Variants in MEGF6 observed in about 807,000 individuals in gnomAD.
MEGF6 encodes multiple epidermal growth factor-like domains protein 6.
A neutral mutation model predicts 207.1 loss-of-function variants in MEGF6; 184 were observed. The ratio of observed to expected loss-of-function variants is 0.89; its 90% CI spans 0.79 to 1.00. The LOEUF (loss-of-function observed/expected upper bound fraction) is 1.00, where lower values mean the gene tolerates loss of function less well. Among genes scored for constraint, MEGF6 ranks in the 50% least tolerant of loss-of-function variants. MEGF6 has a pLI of 0.00. For synonymous variants in MEGF6, 1,038 were observed against 910.0 expected (o/e 1.14, Z -2.53); for missense variants, 2,282 against 2,202.9 (o/e 1.04, Z -0.72).
At position 3,509,092 on chromosome 1, in the gene MEGF6, G is replaced by GT. The variant is rs1342118013; in HGVS notation, c.1510dup (p.Thr504AsnfsTer11). On this transcript the variant is annotated frameshift_variant, in exon 12 of 37. Coordinates refer to ENST00000356575, the MANE Select transcript of MEGF6 (RefSeq NM_001409.4). LOFTEE classifies it high-confidence loss of function. ...GCGCTCACCAAACTTCTCTGTGAGCGTGTGTTCGCCCCGCAACTCTGCCTC... is the reference window on the plus strand; with the variant it reads ...GCGCTCACCAAACTTCTCTGTGAGCGTTGTGTTCGCCCCGCAACTCTGCCTC... The GT allele has an allele frequency of 3.1e-6, 5 of 1,595,880 alleles. No homozygotes were observed. The highest frequency in any genetic ancestry group is 4.3e-6 in the Non-Finnish European group (5 of 1,172,588).
chr1:3,500,585 G>T lies in MEGF6; in HGVS notation c.2707+48C>A, dbSNP rs376260379. 8 of 1,523,172 alleles carry T rather than the reference G, an allele frequency of 5.3e-6. No homozygotes were observed. The East Asian group carries it at 2.0e-4, about 37-fold the overall frequency. 94.4% of individuals were successfully genotyped at this position (1,523,172 alleles called of 1,614,324 possible). On this transcript the variant is annotated intron_variant, in intron 21 of 36. Coordinates refer to ENST00000356575, the MANE Select transcript of MEGF6 (RefSeq NM_001409.4). ...TGTGTGCACGTGTGCATATGTGTGC[G>T]TGTGCGCACTCAGGAGGGTGGCAGC...
intron 1 of MEGF6, among the ~76,000 whole-genome samples, chr1:3,605,942 C>T (rs1264003932): frequency 3.9e-5 from 6 of 152,232 alleles, no homozygotes; most frequent in East Asian, 1.9e-4. Flanking sequence ...GTGCTTCCTG[C>T]GCCCCTTCAT....
intron 4 of MEGF6, among the ~76,000 whole-genome samples, chr1:3,578,803 G>C (rs1282738271): frequency 6.6e-6 from 1 of 151,694 alleles, no homozygotes; most frequent in African/African-American, 2.4e-5. Flanking sequence ...TCCTCAGCCT[G>C]GTCCCCAGCG....
the MEGF6 span, among the ~76,000 whole-genome samples, chr1:3,618,322 G>A: frequency 1.3e-5 from 2 of 152,094 alleles, no homozygotes; most frequent in Non-Finnish European, 2.9e-5. The surrounding 1 kb of genome is among the most constrained non-coding windows in gnomAD (Gnocchi z 4.7). Flanking sequence ...TTAACCTGAA[G>A]TCTCCCAGCC....
At chr1:3,608,481 C>A (rs1391206718) in intron 1 of MEGF6, among the ~76,000 whole-genome samples, 3 of 152,100 alleles carry the variant, frequency 2.0e-5, no homozygotes, top group Non-Finnish European at 4.4e-5. Flanking sequence ...CCCAGTGGAT[C>A]CAAAGAGCTA....
chr1:3,552,273 C>T (rs1258622063), intron 4 of MEGF6, among the ~76,000 whole-genome samples: 1 of 152,234 alleles, frequency 6.6e-6, no homozygotes, highest in Non-Finnish European at 1.5e-5. Context: ...CTTCTCCCTG[C>T]TCCAGGCTGT....
chr1:3,538,696 C>CTGTGTGTGTGTGTGTGTGTGTGTGTGTG (rs57325073), intron 4 of MEGF6, among the ~76,000 whole-genome samples: 1 of 132,030 alleles, frequency 7.6e-6, no homozygotes, highest in African/African-American at 3.0e-5. Flanking sequence ...GAGCATGTGC[C>CTGTGTGTGTGTGTGTGTGTGTGTGTGTG]TGTGTGTGTG....
chr1:3,554,618 T>C (rs1274786795), intron 4 of MEGF6, among the ~76,000 whole-genome samples: 1 of 152,150 alleles, frequency 6.6e-6, no homozygotes, highest in Non-Finnish European at 1.5e-5. Context: ...TGAGAATGAC[T>C]GGGCCCCCCA....
intron 5 of MEGF6, among the ~76,000 whole-genome samples, chr1:3,523,868 G>C (rs952466394): frequency 1.3e-5 from 2 of 152,258 alleles, no homozygotes; most frequent in African/African-American, 4.8e-5. Context: ...GCGGGGCTTA[G>C]TGTGGCTGCA....
At chr1:3,547,593 C>A (rs959469568) in intron 4 of MEGF6, among the ~76,000 whole-genome samples, 104 of 152,292 alleles carry the variant, frequency 6.8e-4, no homozygotes, top group African/African-American at 2.3e-3. Flanking sequence ...CCCCCTCCCG[C>A]CTTCGGACAG....
chr1:3,604,249 C>T (rs1334899564), intron 1 of MEGF6, among the ~76,000 whole-genome samples: 11 of 152,252 alleles, frequency 7.2e-5, no homozygotes, highest in East Asian at 3.9e-4. Flanking sequence ...GTTTCCCAAA[C>T]GTCCCATCCC....
rs777092948 is a variant in MEGF6 at position 3,524,206 on chromosome 1, G to T, written c.522C>A (p.His174Gln). 1.2e-6 allele frequency: 2 copies of T among 1,612,740 alleles called. No individual in the cohort carries two copies. Among genetic ancestry groups the T allele is most frequent in the Admixed American group, 1.7e-5 (1 of 60,002 alleles). The change falls in exon 5 of 37, where the codon CAC becomes CAA. Residue 174 changes from histidine (H) to glutamine (Q), a missense_variant. By Grantham distance (24) the His-to-Gln change is conservative. Transcript: ENST00000356575. ...ECRTHNGGCQHRCVNTPGSYL... is the reference protein window; with the variant it reads ...ECRTHNGGCQQRCVNTPGSYL... The stretch of plus-strand genomic sequence containing the variant: ...AGGAGCCTGGGGTGTTCACGCACCG[G>T]TGCTGGCAGCCACCGTTGTGGGTTC...
rs1436808285 is a variant in MEGF6, at chr1:3,498,472, C to T, written c.3251G>A (p.Gly1084Asp). Residue 1084 changes from glycine to aspartate, a missense_variant, in exon 26 of 37, where the codon GGC becomes GAC. Gly to Asp is a moderately conservative substitution (Grantham distance 94, BLOSUM62 -1). Coordinates refer to ENST00000356575, the MANE Select transcript of MEGF6 (RefSeq NM_001409.4). The part of the protein sequence containing the change: ...KECLPRDVRA[G>D]CRHSGGCLNG... ...GAGGCAACCGCCGCTGTGCCGGCAG[C>T]CAGCTCTGACGTCCCGGGGGAGGCA... 6.3e-6 allele frequency: 10 copies of T among 1,582,586 alleles called. No individual in the cohort carries two copies. The highest frequency in any genetic ancestry group is 8.6e-6 in the Non-Finnish European group (10 of 1,166,656).
rs1279084761 is a variant in MEGF6, at chr1:3,492,925, T to C, written c.4388-158A>G. On this transcript the variant is annotated intron_variant, in intron 34 of 36. Transcript: ENST00000356575. The stretch of plus-strand genomic sequence containing the variant: ...TAAGACCTTGGGCCTCGGTTTCCCC[T>C]GAGGAGTAAACAGTCCCTGCCCTGC... 6 of 990,698 alleles carry C rather than the reference T, an allele frequency of 6.1e-6. No homozygotes were observed. The East Asian group carries it at 1.6e-4, about 26-fold the overall frequency. The allele number at this position is 990,698 out of a possible 1,614,324, so 61.4% of individuals were successfully genotyped here.
intron 3 of MEGF6, among the ~76,000 whole-genome samples, chr1:3,582,131 G>A (rs926401188): frequency 1.2e-4 from 18 of 152,160 alleles, no homozygotes; most frequent in African/African-American, 3.1e-4. Flanking sequence ...CACCAGGCCC[G>A]GGGCAGCCAC....
Position 3,494,723 on chromosome 1 carries a change from A to C in MEGF6, c.3890T>G (p.Phe1297Cys). Residue 1297 changes from phenylalanine to cysteine, a missense_variant, in exon 31 of 37, where the codon TTT becomes TGT. Transcript: ENST00000356575. ...GCAGGTGTGCTCGCAGCCCACGCCA[A>C]ACCGGTTCTGGGGGCAGCCTGGAGA... ...RCERGCPQNR[F>C]GVGCEHTCSC... 1 of 1,588,748 alleles carries C rather than the reference A, an allele frequency of 6.3e-7. No homozygotes were observed. Among genetic ancestry groups the C allele is most frequent in the South Asian group, 1.1e-5 (1 of 87,194 alleles).
At chr1:3,586,696 G>C (rs1643898567) in intron 3 of MEGF6, among the ~76,000 whole-genome samples, 1 of 152,214 alleles carries the variant, frequency 6.6e-6, no homozygotes, top group Non-Finnish European at 1.5e-5. Context: ...AAAAGCAAAT[G>C]GCGGAGGCAG....
chr1:3,498,777 G>C lies in MEGF6; in HGVS notation c.3144C>G (p.Cys1048Trp). The change falls in exon 25 of 37, where the codon TGC (cysteine) becomes TGG (tryptophan). Residue 1048 changes from cysteine to tryptophan, a missense_variant. Transcript: ENST00000356575. ...YGDNCRHSCL[C>W]QNGGTCDPVS... Reference sequence around the variant, plus strand: ...CAGGGTCACAGGTCCCTCCGTTCTGGCAGAGGCAGGAATGCCGACAGTTGT... The same window carrying C: ...CAGGGTCACAGGTCCCTCCGTTCTGCCAGAGGCAGGAATGCCGACAGTTGT... 6.4e-7 allele frequency: 1 copy of C among 1,557,060 alleles called. No homozygotes were observed. Among genetic ancestry groups the C allele is most frequent in the East Asian group, 2.4e-5 (1 of 41,666 alleles).
intron 4 of MEGF6, among the ~76,000 whole-genome samples, chr1:3,564,041 G>A (rs1643278911): frequency 6.6e-6 from 1 of 152,196 alleles, no homozygotes; most frequent in Non-Finnish European, 1.5e-5. Context: ...AATGAGGCCA[G>A]TAGACCCAAG....
Sources: gnomAD v4.1 joint callset for allele counts (sites outside exome capture counted in the v4.1 genomes callset) on GRCh38, gnomAD v4.1.1 for gene constraint, Gnocchi (gnomAD v3.1) non-coding constraint, MANE v1.5 for transcripts, NCBI Gene and HGNC (gene_info 2026-07-23, HGNC 2026-07-21) for gene names.